The following LHPP variants were observed in gnomAD, a reference collection of about 807,000 sequenced individuals.
The protein encoded by LHPP is phospholysine phosphohistidine inorganic pyrophosphate phosphatase, also known as hLHPP.
Under a neutral mutation model 30.3 loss-of-function variants are expected in LHPP, and 24 were observed. That is an observed-to-expected ratio of 0.79 (90% CI 0.57 to 1.11). The LOEUF is 1.11. LHPP is among the 50% of genes most tolerant of loss of function. The pLI, the probability that LHPP is intolerant of heterozygous loss-of-function variation, is 0.00. For missense variants in LHPP, 356 were observed against 367.2 expected (o/e 0.97, Z 0.25); for synonymous variants, 150 against 157.1 (o/e 0.95, Z 0.34).
chr10:124,488,742 C>T (rs986774743), intron 3 of LHPP, among the ~76,000 whole-genome samples, 167 bp downstream of exon 3: 4 of 152,036 alleles, frequency 2.6e-5, no homozygotes, highest in Non-Finnish European at 5.9e-5. Context: ...TTTCTTTATT[C>T]CTCTCCTTTA....
intron 6 of LHPP, among the ~76,000 whole-genome samples, chr10:124,542,786 C>A (rs1252674952): frequency 1.3e-5 from 2 of 152,218 alleles, no homozygotes; most frequent in African/African-American, 4.8e-5. Context: ...CCTACTCTCC[C>A]CTCTGCCCTC....
At chr10:124,529,855 T>A (rs563870415) in intron 6 of LHPP, among the ~76,000 whole-genome samples, 2 of 150,752 alleles carry the variant, frequency 1.3e-5, no homozygotes, top group African/African-American at 2.4e-5. Flanking sequence ...ACCCACGCAC[T>A]CTCTTTGCCT....
At chr10:124,524,443 A>G (rs1263891202) in intron 6 of LHPP, among the ~76,000 whole-genome samples, 1 of 151,788 alleles carries the variant, frequency 6.6e-6, no homozygotes, top group Non-Finnish European at 1.5e-5. Context: ...TGCCCAACTA[A>G]TTTATGTATT....
chr10:124,540,146 CG>C (rs1166509408), intron 6 of LHPP, among the ~76,000 whole-genome samples: 1 of 152,140 alleles, frequency 6.6e-6, no homozygotes, highest in Non-Finnish European at 1.5e-5. Context: ...GTTCATGCAG[CG>C]CCGTGCTGTT....
chr10:124,608,556 G>C (rs761480440), intron 6 of LHPP, among the ~76,000 whole-genome samples: 1 of 152,262 alleles, frequency 6.6e-6, no homozygotes, highest in African/African-American at 2.4e-5. Context: ...CTGAGGTCAC[G>C]TGGCTGGTAG....
intron 6 of LHPP, among the ~76,000 whole-genome samples, chr10:124,557,111 C>G (rs1274137149): frequency 6.6e-6 from 1 of 152,176 alleles, no homozygotes; most frequent in Non-Finnish European, 1.5e-5. Context: ...GGAGTCCACG[C>G]GGACCAGGGT....
chr10:124,572,951 C>T (rs1948609333), intron 6 of LHPP, among the ~76,000 whole-genome samples: 1 of 152,166 alleles, frequency 6.6e-6, no homozygotes, highest in South Asian at 2.1e-4. Flanking sequence ...TCCTCAATGG[C>T]GACACCCACG....
At chr10:124,465,029 C>T (rs1025381297) in intron 1 of LHPP, among the ~76,000 whole-genome samples, 4 of 151,968 alleles carry the variant, frequency 2.6e-5, no homozygotes, top group Admixed American at 2.0e-4. Flanking sequence ...GGTGGGCACA[C>T]GGGTAAAGCG....
chr10:124,572,150 C>T (rs1043985214), intron 6 of LHPP, among the ~76,000 whole-genome samples: 5 of 152,210 alleles, frequency 3.3e-5, no homozygotes, highest in East Asian at 3.9e-4. Flanking sequence ...CTGGCCATCA[C>T]GGGCCTTGCA....
chr10:124,469,134 G>C (rs1392843415), intron 1 of LHPP, among the ~76,000 whole-genome samples: 1 of 152,094 alleles, frequency 6.6e-6, no homozygotes, highest in African/African-American at 2.4e-5. Context: ...AGTCCTGCAG[G>C]AGCTCAAAGG....
At chr10:124,470,394 C>T (rs1009611949) in intron 1 of LHPP, among the ~76,000 whole-genome samples, 14 of 152,082 alleles carry the variant, frequency 9.2e-5, no homozygotes, top group African/African-American at 2.2e-4. Context: ...CCCGATCGAT[C>T]GGCCTGGTGC....
In LHPP at chr10:124,593,283, C is replaced by T. The variant is rs1405979924; in HGVS notation, c.717-19981C>T. ...CAGCCCGTGGGTGGCAGGGCGGTAACCCCATCTGCCCAGAACCAGGCTGCG... is the reference window on the plus strand; with the variant it reads ...CAGCCCGTGGGTGGCAGGGCGGTAATCCCATCTGCCCAGAACCAGGCTGCG... On this transcript the variant is annotated intron_variant, in intron 6 of 6. Transcript: ENST00000368842. The surrounding 1 kb of genome is among the most constrained non-coding windows in gnomAD (Gnocchi z 4.9). Among the ~76,000 whole-genome samples the T allele has an allele frequency of 1.3e-5, 2 of 152,118 alleles. No homozygotes were observed. Among genetic ancestry groups the T allele is most frequent in the African/African-American group, 2.4e-5 (1 of 41,418 alleles).
chr10:124,563,991 G>A (rs749868311), intron 6 of LHPP, among the ~76,000 whole-genome samples: 1 of 152,130 alleles, frequency 6.6e-6, no homozygotes, highest in Non-Finnish European at 1.5e-5. Flanking sequence ...CTGTCACCCA[G>A]GCTGGAGTGC....
intron 6 of LHPP, among the ~76,000 whole-genome samples, chr10:124,550,893 G>A (rs952419724): frequency 3.3e-5 from 5 of 152,188 alleles, no homozygotes; most frequent in Admixed American, 3.3e-4. Flanking sequence ...CTGCAGCAGG[G>A]ACCAGCCCTG....
At chr10:124,470,494 G>A (rs1159790778) in intron 1 of LHPP, among the ~76,000 whole-genome samples, 2 of 152,068 alleles carry the variant, frequency 1.3e-5, no homozygotes, top group Non-Finnish European at 2.9e-5. Context: ...TAAAACGTAG[G>A]TGCCTCCTAG....
chr10:124,506,204 G>T (rs1390780321), intron 5 of LHPP, among the ~76,000 whole-genome samples: 2 of 151,792 alleles, frequency 1.3e-5, no homozygotes, highest in Non-Finnish European at 2.9e-5. Context: ...AGCCAAGATG[G>T]TACCACTGTA....
rs373388556 is a variant in LHPP at position 124,496,929 on chromosome 10, A to T, written c.468-32A>T. The T allele has an allele frequency of 3.1e-6, 5 of 1,600,470 alleles. No individual in the cohort carries two copies. The African/African-American group carries it at 6.7e-5, about 21-fold the overall frequency. On this transcript the variant is annotated intron_variant, in intron 3 of 6. Coordinates refer to ENST00000368842, the MANE Select transcript of LHPP (RefSeq NM_022126.4). This position sits in a 1 kb window ranked among gnomAD's most constrained non-coding sequence, Gnocchi z 4.3. ...ATCCTGCGGTCAGCTCCCCGTGCTC[A>T]GCATCCCGTGCTCCGTTCTGCTCTC...
chr10:124,602,770 C>T (rs1219416038), intron 6 of LHPP, among the ~76,000 whole-genome samples: 1 of 152,142 alleles, frequency 6.6e-6, no homozygotes, highest in Non-Finnish European at 1.5e-5. Flanking sequence ...CAGCCCTGCC[C>T]CACCCCAGCT....
intron 6 of LHPP, chr10:124,554,118 C>A: frequency 1.1e-6 from 1 of 936,460 alleles, no homozygotes; most frequent in Non-Finnish European, 1.3e-6. Flanking sequence ...ACATTTACAG[C>A]TGGGACGACC....
Sources: allele counts gnomAD v4.1 joint callset (sites outside exome capture counted in the v4.1 genomes callset), GRCh38; gene constraint gnomAD v4.1.1; non-coding constraint Gnocchi (gnomAD v3.1); transcripts MANE v1.5; gene names NCBI Gene and HGNC (gene_info 2026-07-23, HGNC 2026-07-21).